Variants in FAM83B observed in about 807,000 individuals in gnomAD.
FAM83B encodes protein FAM83B.
FAM83B carries 26 observed loss-of-function variants against 38.8 expected under a neutral mutation model. The ratio of observed to expected loss-of-function variants is 0.67; its 90% CI spans 0.49 to 0.93. FAM83B has a LOEUF of 0.93. Among genes scored for constraint, FAM83B ranks in the 40% least tolerant of loss-of-function variants. FAM83B has a pLI of 0.00. For synonymous variants in FAM83B, 419 were observed against 423.1 expected, an observed-to-expected ratio of 0.99 and a Z score of 0.12; for missense variants, 1,237 against 1,197.3, an observed-to-expected ratio of 1.03 and a Z score of -0.49.
At chr6:54,864,042 C>T (rs547501296) in intron 1 of FAM83B, among the ~76,000 whole-genome samples, 1 of 152,252 alleles carries the variant, frequency 6.6e-6, no homozygotes, top group East Asian at 1.9e-4. Flanking sequence ...AGTATAAGCT[C>T]TCTCTGTAAA....
In FAM83B at chr6:54,941,783, G is replaced by A. The variant is rs765384530; in HGVS notation, c.2812G>A (p.Glu938Lys). The change falls in exon 5 of 5, where the codon GAG becomes AAG. Residue 938 changes from glutamate (E) to lysine (K), a missense_variant. Transcript: ENST00000306858. ...TGATCGGCGTGTTTACAGTCGTTTTGAGCCGTTTTGTAAGATTGAGAGCTC... is the reference window on the plus strand; with the variant it reads ...TGATCGGCGTGTTTACAGTCGTTTTAAGCCGTTTTGTAAGATTGAGAGCTC... Reference protein sequence around the residue: ...STDRRVYSRFEPFCKIESSIQ... With the variant: ...STDRRVYSRFKPFCKIESSIQ... 3.7e-6 allele frequency: 6 copies of A among 1,601,962 alleles called. No homozygotes were observed. In the South Asian group the frequency reaches 4.4e-5, roughly 12 times the overall value.
chr6:54,935,672 TG>T (rs1773510329), intron 4 of FAM83B, among the ~76,000 whole-genome samples: 1 of 152,098 alleles, frequency 6.6e-6, no homozygotes, highest in African/African-American at 2.4e-5. Flanking sequence ...TGACCCAATT[TG>T]TTTTATGCAA....
At chr6:54,919,478 T>G (rs1773123146) in intron 2 of FAM83B, among the ~76,000 whole-genome samples, 2 of 152,094 alleles carry the variant, frequency 1.3e-5, no homozygotes, top group African/African-American at 4.8e-5. Context: ...CAATTGACTT[T>G]TATTAAAATA....
In FAM83B at chr6:54,941,868, C is replaced by T. The variant is rs140364953; in HGVS notation, c.2897C>T (p.Ala966Val). 37 of 1,613,912 alleles carry T rather than the reference C, an allele frequency of 2.3e-5. 1 individual carries two copies. Among genetic ancestry groups the T allele is most frequent in the African/African-American group, 2.0e-4 (15 of 74,902 alleles). Residue 966 changes from alanine (A) to valine (V), a missense_variant, in exon 5 of 5, where the codon GCG (alanine) becomes GTG (valine). Physicochemically the swap from Ala to Val is moderately conservative, Grantham distance 64. Coordinates refer to ENST00000306858, the MANE Select transcript of FAM83B (RefSeq NM_001010872.3). ...ATAAATCGCCCAGAAATAAAATCTG[C>T]GACTATGGGCAACAGTTATGGCAGG... ...TSINRPEIKS[A>V]TMGNSYGRSS...
intron 2 of FAM83B, among the ~76,000 whole-genome samples, chr6:54,905,083 G>A (rs1463494916): frequency 6.6e-6 from 1 of 151,378 alleles, no homozygotes; most frequent in Non-Finnish European, 1.5e-5. Flanking sequence ...GGCACCTAGT[G>A]GGAATAAAGT....
intron 4 of FAM83B, among the ~76,000 whole-genome samples, chr6:54,931,765 G>A (rs1220976833): frequency 1.3e-5 from 2 of 151,892 alleles, no homozygotes; most frequent in Non-Finnish European, 2.9e-5. Flanking sequence ...GTCAATTAAA[G>A]TCTTTCAATG....
At chr6:54,933,814 G>A (rs187052627) in intron 4 of FAM83B, among the ~76,000 whole-genome samples, 1 of 152,220 alleles carries the variant, frequency 6.6e-6, no homozygotes, top group African/African-American at 2.4e-5. Context: ...AGGTAAGATA[G>A]AAGCCAGTCT....
intron 3 of FAM83B, 92 bp downstream of exon 3, chr6:54,926,627 A>T (rs1030128858): frequency 2.0e-6 from 2 of 990,296 alleles, no homozygotes; most frequent in Non-Finnish European, 1.4e-6. Flanking sequence ...TGAATATAAA[A>T]CTGAAAAACA....
intron 2 of FAM83B, among the ~76,000 whole-genome samples, chr6:54,883,185 C>T (rs145224598): frequency 0.035 from 5,289 of 151,936 alleles, 109 homozygotes; most frequent in Non-Finnish European, 0.046. Flanking sequence ...CCTTGTGATC[C>T]GCCCACCTTG....
At chr6:54,867,174 C>T (rs1771726832) in intron 1 of FAM83B, among the ~76,000 whole-genome samples, 1 of 150,494 alleles carries the variant, frequency 6.6e-6, no homozygotes, top group Non-Finnish European at 1.5e-5. Flanking sequence ...TAAAATAATT[C>T]CTTATTTTTT....
intron 2 of FAM83B, among the ~76,000 whole-genome samples, chr6:54,891,439 T>A (rs1772399358): frequency 6.6e-6 from 1 of 152,190 alleles, no homozygotes; most frequent in Non-Finnish European, 1.5e-5. Flanking sequence ...CTGTTGAAAG[T>A]GAATGTTTTA....
At chr6:54,898,191 T>C (rs1214089297) in intron 2 of FAM83B, among the ~76,000 whole-genome samples, 1 of 152,136 alleles carries the variant, frequency 6.6e-6, no homozygotes, top group Non-Finnish European at 1.5e-5. Flanking sequence ...AATTAATGCT[T>C]GAGAGAAACA....
At chr6:54,858,613 G>C (rs1293651709) in intron 1 of FAM83B, among the ~76,000 whole-genome samples, 2 of 152,048 alleles carry the variant, frequency 1.3e-5, no homozygotes, top group African/African-American at 4.8e-5. Context: ...TAACAAAACT[G>C]ATACCAGAAA....
chr6:54,889,840 A>G (rs1233816225), intron 2 of FAM83B, among the ~76,000 whole-genome samples: 1 of 152,100 alleles, frequency 6.6e-6, no homozygotes, highest in Non-Finnish European at 1.5e-5. Flanking sequence ...TGGAAACATA[A>G]TAGAGTTTAA....
intron 1 of FAM83B, among the ~76,000 whole-genome samples, chr6:54,854,638 A>G (rs1012731425): frequency 6.6e-5 from 10 of 152,248 alleles, no homozygotes; most frequent in African/African-American, 2.4e-4. Flanking sequence ...AAGCCACAGT[A>G]TAATGTAAAC....
At chr6:54,920,024 T>C (rs971292604) in intron 2 of FAM83B, among the ~76,000 whole-genome samples, 1 of 151,984 alleles carries the variant, frequency 6.6e-6, no homozygotes, top group African/African-American at 2.4e-5. Flanking sequence ...GAGAAATTAT[T>C]AATACATCCA....
intron 2 of FAM83B, among the ~76,000 whole-genome samples, chr6:54,924,505 A>T (rs975448149): frequency 6.6e-6 from 1 of 150,878 alleles, no homozygotes; most frequent in African/African-American, 2.4e-5. Context: ...CTCCACTAAA[A>T]CTATTCTTGG....
At chr6:54,922,494 A>G (rs1294939918) in intron 2 of FAM83B, among the ~76,000 whole-genome samples, 1 of 152,000 alleles carries the variant, frequency 6.6e-6, no homozygotes, top group African/African-American at 2.4e-5. Flanking sequence ...AATTTTGGGT[A>G]TGATTTTAAG....
At position 54,941,269 on chromosome 6, in the gene FAM83B, T is replaced by C. The variant is rs767260228; in HGVS notation, c.2298T>C (p.Ser766=). 3.1e-6 allele frequency: 5 copies of C among 1,605,708 alleles called. No individual in the cohort carries two copies. The change falls in exon 5 of 5, where the codon AGT becomes AGC. Residue 766 remains serine, a synonymous_variant. Transcript: ENST00000306858. ...ASKKEVKGSP[S]FLKKGSQKLR... ...AGAAGGAAGTTAAGGGTTCCCCAAG[T>C]TTTTTGAAAAAGGGGTCTCAGAAGT... is the stretch of plus-strand genomic sequence containing the variant.
Sources: gnomAD v4.1 joint callset for allele counts (sites outside exome capture counted in the v4.1 genomes callset) on GRCh38, gnomAD v4.1.1 for gene constraint, MANE v1.5 for transcripts, NCBI Gene and HGNC (gene_info 2026-07-23, HGNC 2026-07-21) for gene names.